NRXN3: variants seen among roughly 807,000 people sequenced by gnomAD.
NRXN3 encodes the protein neurexin 3, also known as neurexin III.
Under a neutral mutation model 137.6 loss-of-function variants are expected in NRXN3, and 32 were observed. That is an observed-to-expected ratio of 0.23 (90% CI 0.18 to 0.31). NRXN3 has a LOEUF of 0.31. Among genes scored for constraint, NRXN3 ranks in the 10% least tolerant of loss-of-function variants. The pLI, the probability that NRXN3 is intolerant of heterozygous loss-of-function variation, is 1.00. For synonymous variants in NRXN3, 798 were observed against 784.5 expected (o/e 1.02, Z -0.29); for missense variants, 1,574 against 2,062.5 (o/e 0.76, Z 4.59).
intron 1 of NRXN3, among the ~76,000 whole-genome samples, chr14:78,188,737 A>C (rs2060455396): frequency 6.6e-6 from 1 of 152,204 alleles, no homozygotes; most frequent in African/African-American, 2.4e-5. Context: ...AACTTGGGCA[A>C]GTAATTTCCC....
At chr14:79,276,033 A>G (rs542751543) in intron 15 of NRXN3, among the ~76,000 whole-genome samples, 1 of 152,154 alleles carries the variant, frequency 6.6e-6, no homozygotes, top group East Asian at 1.9e-4. Context: ...TTGATTCCCA[A>G]GTGTTATCAC....
intron 8 of NRXN3, among the ~76,000 whole-genome samples, chr14:78,718,600 A>G (rs1242549901): frequency 1.3e-5 from 2 of 152,186 alleles, no homozygotes; most frequent in Non-Finnish European, 2.9e-5. Context: ...CTTACAGTAA[A>G]ATTGGATAAC....
intron 15 of NRXN3, among the ~76,000 whole-genome samples, chr14:79,247,659 C>T (rs79915500): frequency 0.034 from 5,201 of 152,066 alleles, 239 homozygotes; most frequent in African/African-American, 0.11. Context: ...AGGTAGTTGT[C>T]TTATTCTCTT....
intron 8 of NRXN3, among the ~76,000 whole-genome samples, chr14:78,775,002 C>T (rs2098740523): frequency 6.6e-6 from 1 of 152,132 alleles, no homozygotes; most frequent in Admixed American, 6.5e-5. Flanking sequence ...CTTTTTAATT[C>T]TACCATCCAT....
chr14:79,554,670 G>A (rs1481947199), intron 16 of NRXN3, among the ~76,000 whole-genome samples: 1 of 152,098 alleles, frequency 6.6e-6, no homozygotes, highest in African/African-American at 2.4e-5. Flanking sequence ...CTCTTCTGTG[G>A]CAGTCACACA....
In NRXN3 at chr14:79,541,413, G is replaced by T. The variant is rs569336570; in HGVS notation, c.3444+74011G>T. On this transcript the variant is annotated intron_variant, in intron 16 of 20. Transcript: ENST00000335750. Reference sequence around the variant, plus strand: ...GAGCGAAACTCATCTCAAAAAAAAAGATACTTGCCATTGGATTCAGAGCCC... The same window carrying T: ...GAGCGAAACTCATCTCAAAAAAAAATATACTTGCCATTGGATTCAGAGCCC... Among the ~76,000 whole-genome samples, 8 of 152,146 alleles carry T rather than the reference G, an allele frequency of 5.3e-5. No homozygotes were observed. In the East Asian group the frequency reaches 1.5e-3, roughly 29 times the overall value.
intron 16 of NRXN3, among the ~76,000 whole-genome samples, chr14:79,558,673 A>C (rs2097456649): frequency 6.6e-6 from 1 of 151,992 alleles, no homozygotes. Context: ...ACACAGGCAG[A>C]GTAAATTTAT....
intron 1 of NRXN3, among the ~76,000 whole-genome samples, chr14:78,234,483 A>G (rs1047424957): frequency 1.4e-4 from 22 of 152,230 alleles, no homozygotes; most frequent in Non-Finnish European, 2.9e-5. Context: ...TCAAGGTCAC[A>G]TAGGCATCAA....
intron 16 of NRXN3, among the ~76,000 whole-genome samples, chr14:79,575,855 A>G (rs1055763499): frequency 5.3e-5 from 8 of 152,176 alleles, no homozygotes; most frequent in African/African-American, 1.9e-4. Flanking sequence ...TTATAATCCA[A>G]TTGGGAAGAT....
chr14:79,341,992 CT>C (rs746748846), intron 15 of NRXN3, among the ~76,000 whole-genome samples: 3 of 152,134 alleles, frequency 2.0e-5, no homozygotes, highest in East Asian at 3.9e-4. Flanking sequence ...GTTTGGAACC[CT>C]GGTTTAAAAG....
chr14:79,314,724 G>T (rs905412203), intron 15 of NRXN3, among the ~76,000 whole-genome samples: 1 of 145,366 alleles, frequency 6.9e-6, no homozygotes, highest in Non-Finnish European at 1.5e-5. Context: ...ATCTGAGGAC[G>T]GGCAGACTGC....
chr14:79,758,603 T>A (rs995889067), intron 19 of NRXN3, among the ~76,000 whole-genome samples: 1 of 152,124 alleles, frequency 6.6e-6, no homozygotes, highest in Non-Finnish European at 1.5e-5. Flanking sequence ...AGGGGACAAA[T>A]ATCCAAACTA....
intron 15 of NRXN3, among the ~76,000 whole-genome samples, chr14:79,082,219 T>C (rs2047177575): frequency 6.6e-6 from 1 of 152,150 alleles, no homozygotes; most frequent in Admixed American, 6.6e-5. Context: ...TTCATGTACG[T>C]AAAATTTAGG....
chr14:79,339,834 G>T (rs574390647), intron 15 of NRXN3, among the ~76,000 whole-genome samples: 1 of 152,224 alleles, frequency 6.6e-6, no homozygotes, highest in Non-Finnish European at 1.5e-5. Flanking sequence ...CTGAGAAATT[G>T]GGATGATCAT....
At chr14:78,190,375 G>A (rs993923190) in intron 1 of NRXN3, among the ~76,000 whole-genome samples, 5 of 152,094 alleles carry the variant, frequency 3.3e-5, no homozygotes, top group Non-Finnish European at 7.4e-5. Context: ...TCATAGAAAA[G>A]AAAATGAAGA....
At chr14:78,306,232 C>A (rs1567215140) in intron 4 of NRXN3, among the ~76,000 whole-genome samples, 1 of 152,080 alleles carries the variant, frequency 6.6e-6, no homozygotes, top group Non-Finnish European at 1.5e-5. Flanking sequence ...CCTCAATGAT[C>A]AATTTGGATT....
At chr14:79,697,547 T>G in intron 18 of NRXN3, 83 bp from the exon 19 acceptor site, 1 of 1,439,286 alleles carries the variant, frequency 6.9e-7, no homozygotes, top group South Asian at 1.4e-5. Context: ...AAGCCTGTTA[T>G]GATGCCTGGT....
At chr14:78,752,065 C>T (rs2098645300) in intron 8 of NRXN3, among the ~76,000 whole-genome samples, 1 of 152,170 alleles carries the variant, frequency 6.6e-6, no homozygotes, top group Non-Finnish European at 1.5e-5. Context: ...TGTGACATTC[C>T]TTGGGAATTG....
intron 4 of NRXN3, among the ~76,000 whole-genome samples, chr14:78,481,392 C>T (rs760347328): frequency 1.4e-4 from 22 of 152,034 alleles, no homozygotes; most frequent in African/African-American, 2.4e-4. Context: ...CTTCTACCTG[C>T]GAAAATATTA....
Sources: allele counts gnomAD v4.1 joint callset (sites outside exome capture counted in the v4.1 genomes callset), GRCh38; gene constraint gnomAD v4.1.1; transcripts MANE v1.5; gene names NCBI Gene and HGNC (gene_info 2026-07-23, HGNC 2026-07-21).